The following KIF21B variants were observed in gnomAD, a reference collection of about 807,000 sequenced individuals.
The protein encoded by KIF21B is kinesin family member 21B.
KIF21B carries 85 observed loss-of-function variants against 192.9 expected under a neutral mutation model. The observed-to-expected ratio is 0.44, with a 90% CI of 0.37 to 0.53. The LOEUF (loss-of-function observed/expected upper bound fraction) is 0.53, where lower values mean the gene tolerates loss of function less well. Among genes scored for constraint, KIF21B ranks in the 20% least tolerant of loss-of-function variants. The pLI, the probability that KIF21B is intolerant of heterozygous loss-of-function variation, is 0.00. For synonymous variants in KIF21B, 832 were observed against 884.6 expected (o/e 0.94, Z 1.05); for missense variants, 1,716 against 2,194.8 (o/e 0.78, Z 4.36).
rs1656367311 is a variant in KIF21B, at chr1:200,987,226, T to A, written c.3409-25A>T. ...TCTGGGAAAAGAAGAACAGGGTGGA[T>A]CAACTTGCCCAAATTGCATGGCACA... is the stretch of plus-strand genomic sequence containing the variant. On this transcript the variant is annotated intron_variant, in intron 24 of 34. Coordinates refer to ENST00000461742, the MANE Select transcript of KIF21B (RefSeq NM_001252102.2). 1.9e-6 allele frequency: 3 copies of A among 1,591,380 alleles called. No individual in the cohort carries two copies. The East Asian group carries it at 6.7e-5, about 36-fold the overall frequency.
chr1:201,000,828 G>C lies in KIF21B; in HGVS notation c.1403-48C>G. 6.3e-7 allele frequency: 1 copy of C among 1,599,924 alleles called. No individual in the cohort carries two copies. Among genetic ancestry groups the C allele is most frequent in the Non-Finnish European group, 8.6e-7 (1 of 1,167,466 alleles). On this transcript the variant is annotated intron_variant, in intron 9 of 34. Transcript: ENST00000461742. The surrounding 1 kb of genome is among the most constrained non-coding windows in gnomAD (Gnocchi z 6.0). ...AGGGTGCGATAAAGAAGATAAATAG[G>C]CCAGCGCGGTGGCTCAGACCTATAA...
rs755399967 is a variant in KIF21B at position 200,974,920 on chromosome 1, G to A, written c.4615-7C>T. On this transcript the variant is annotated splice_region_variant and splice_polypyrimidine_tract_variant and intron_variant, in intron 33 of 34. Transcript: ENST00000461742. ...TGTGCGCATTGGGGATTTGCTGTGA[G>A]AGGATCAGGGCTGGTGAGGGCTGGG... 2 of 1,613,108 alleles carry A rather than the reference G, an allele frequency of 1.2e-6. No homozygotes were observed. Among genetic ancestry groups the A allele is most frequent in the East Asian group, 2.2e-5 (1 of 44,846 alleles).
chr1:200,990,168 C>T lies in KIF21B; in HGVS notation c.3000G>A (p.Gln1000=). The T allele has an allele frequency of 6.2e-7, 1 of 1,613,988 alleles. No homozygotes were observed. The highest frequency in any genetic ancestry group is 8.5e-7 in the Non-Finnish European group (1 of 1,179,932). Residue 1000 remains glutamine (Q), a synonymous_variant, in exon 20 of 35, where the codon CAG becomes CAA. Transcript: ENST00000461742. This position sits in a 1 kb window ranked among gnomAD's most constrained non-coding sequence, Gnocchi z 5.4. ...TCTCCTCCAGCTGCACGATGGTGGC[C>T]TGGCAGTCGGTGATGCCGTCATTGA... ...DYINDGITDC[Q]ATIVQLEETK...
Position 200,998,951 on chromosome 1 carries a change from G to A in KIF21B, c.1886-376C>T, listed in dbSNP as rs559863767. ...GCTGGCAGCAGGCAGGGCTGAAGGG[G>A]CAGGCATCTCCATTTAGAGGAGAGG... is the stretch of plus-strand genomic sequence containing the variant. On this transcript the variant is annotated intron_variant, in intron 13 of 34. Coordinates refer to ENST00000461742, the MANE Select transcript of KIF21B (RefSeq NM_001252102.2). The surrounding 1 kb of genome is among the most constrained non-coding windows in gnomAD (Gnocchi z 4.3). Among the ~76,000 whole-genome samples the A allele has an allele frequency of 3.9e-5, 6 of 152,168 alleles. No homozygotes were observed. Among genetic ancestry groups the A allele is most frequent in the Non-Finnish European group, 8.8e-5 (6 of 68,034 alleles).
At chr1:201,015,955 C>T (rs1658477022) in intron 1 of KIF21B, among the ~76,000 whole-genome samples, 1 of 152,184 alleles carries the variant, frequency 6.6e-6, no homozygotes, top group Non-Finnish European at 1.5e-5. Flanking sequence ...TTCTTCACCA[C>T]CTAGGACTTA....
rs1655290909 is a variant in KIF21B at position 200,972,813 on chromosome 1, G to C, written c.*708C>G. 1 of 152,628 alleles carries C rather than the reference G, an allele frequency of 6.6e-6. No individual in the cohort carries two copies. Among genetic ancestry groups the C allele is most frequent in the South Asian group, 2.1e-4 (1 of 4,834 alleles). 9.5% of individuals were successfully genotyped at this position (152,628 alleles called of 1,614,324 possible). A position where few individuals can be genotyped will look rare whatever the true frequency, so the allele number is the denominator to read the frequency against. On this transcript the variant is annotated 3_prime_UTR_variant, in exon 35 of 35. Transcript: ENST00000461742. Reference sequence around the variant, plus strand: ...AAGAGCTGAGGGAAAGAATATAGGGGAAGAAACTTCAAGTCCGTTTCCAGG... The same window carrying C: ...AAGAGCTGAGGGAAAGAATATAGGGCAAGAAACTTCAAGTCCGTTTCCAGG...
Position 201,000,863 on chromosome 1 carries a change from T to A in KIF21B, c.1403-83A>T. On this transcript the variant is annotated intron_variant, in intron 9 of 34. Coordinates refer to ENST00000461742, the MANE Select transcript of KIF21B (RefSeq NM_001252102.2). The surrounding 1 kb of genome is among the most constrained non-coding windows in gnomAD (Gnocchi z 6.0). ...TGGCTCAGACCTATAATTCCAGCAC[T>A]TTGGGAGGCCAAGGCGGGCGGATCA... 3 of 1,439,708 alleles carry A rather than the reference T, an allele frequency of 2.1e-6. No individual in the cohort carries two copies. Among genetic ancestry groups the A allele is most frequent in the Non-Finnish European group, 2.9e-6 (3 of 1,025,116 alleles). 89.2% of individuals were successfully genotyped at this position (1,439,708 alleles called of 1,614,324 possible).
chr1:201,003,716 A>C lies in KIF21B; in HGVS notation c.1082T>G (p.Leu361Arg). Reference protein sequence around the residue: ...DRDFMETLNTLKYANRARNIK... With the variant: ...DRDFMETLNTRKYANRARNIK... ...GTTGCGGGCCCGATTGGCATATTTGAGTGTGTTGAGGGTCTCCATGAAATC... is the reference window on the plus strand; with the variant it reads ...GTTGCGGGCCCGATTGGCATATTTGCGTGTGTTGAGGGTCTCCATGAAATC... Residue 361 changes from leucine to arginine, a missense_variant, in exon 8 of 35, where the codon CTC (leucine) becomes CGC (arginine). By Grantham distance (102) the Leu-to-Arg change is moderately radical. This residue lies in a region of KIF21B where 1,087 missense variants were observed against 1,316.6 expected (regional missense o/e 0.83). Transcript: ENST00000461742. 1 of 1,613,966 alleles carries C rather than the reference A, an allele frequency of 6.2e-7. No homozygotes were observed. The highest frequency in any genetic ancestry group is 8.5e-7 in the Non-Finnish European group (1 of 1,180,008).
rs752224528 is a variant in KIF21B, at chr1:200,990,106, C to T, written c.3030+32G>A. Reference sequence around the variant, plus strand: ...TACCCCTGCCACCCATCTCTCCCGCCTCCGCCCCAGCAGGCCCAGCCCTGC... The same window carrying T: ...TACCCCTGCCACCCATCTCTCCCGCTTCCGCCCCAGCAGGCCCAGCCCTGC... On this transcript the variant is annotated intron_variant, in intron 20 of 34. Coordinates refer to ENST00000461742, the MANE Select transcript of KIF21B (RefSeq NM_001252102.2). This position sits in a 1 kb window ranked among gnomAD's most constrained non-coding sequence, Gnocchi z 5.4. 1.9e-6 allele frequency: 3 copies of T among 1,610,680 alleles called. No individual in the cohort carries two copies. The African/African-American group carries it at 4.0e-5, about 22-fold the overall frequency.
At chr1:201,003,222 G>A in intron 8 of KIF21B, 1 of 334,800 alleles carries the variant, frequency 3.0e-6, no homozygotes, top group South Asian at 2.7e-5. Flanking sequence ...CAACGATTCT[G>A]TGCCAGTCTA....
In KIF21B at chr1:200,973,340, A is replaced by C; in HGVS notation, c.*181T>G. 1 of 639,328 alleles carries C rather than the reference A, an allele frequency of 1.6e-6. No homozygotes were observed. The highest frequency in any genetic ancestry group is 1.9e-5 in the African/African-American group (1 of 52,222). The allele number at this position is 639,328 out of a possible 1,614,324, so 39.6% of individuals were successfully genotyped here. A position where few individuals can be genotyped will look rare whatever the true frequency, so the allele number is the denominator to read the frequency against. ...TCTCACCCAGAGGCTCCTGAGAGGCAGGGGAGGGATGAGGGAACAGTGTCC... is the reference window on the plus strand; with the variant it reads ...TCTCACCCAGAGGCTCCTGAGAGGCCGGGGAGGGATGAGGGAACAGTGTCC... On this transcript the variant is annotated 3_prime_UTR_variant, in exon 35 of 35. Transcript: ENST00000461742.
intron 22 of KIF21B, 47 bp downstream of exon 22, chr1:200,988,717 GCA>G: frequency 6.4e-7 from 1 of 1,572,664 alleles, no homozygotes; most frequent in Non-Finnish European, 8.7e-7. Context: ...GAGCCCAAGA[GCA>G]CTGGAATGCC....
chr1:200,993,779 A>AG (rs59521802), intron 15 of KIF21B, among the ~76,000 whole-genome samples: 4,954 of 148,938 alleles, frequency 0.033, 206 homozygotes, highest in East Asian at 0.11. Flanking sequence ...AAAAAAAAAA[A>AG]AGAGAGAGAA....
chr1:200,995,208 C>T (rs531477194), intron 15 of KIF21B, among the ~76,000 whole-genome samples: 3 of 152,338 alleles, frequency 2.0e-5, no homozygotes, highest in Admixed American at 6.5e-5. Flanking sequence ...ATGTAGCTAC[C>T]AATGGCTGCT....
intron 24 of KIF21B, 27 bp from the exon 25 acceptor site, chr1:200,987,228 A>G (rs1035122469): frequency 6.3e-7 from 1 of 1,586,918 alleles, no homozygotes; most frequent in Non-Finnish European, 8.6e-7. Flanking sequence ...AGGGTGGATC[A>G]ACTTGCCCAA....
chr1:201,009,204 C>T, intron 2 of KIF21B, 62 bp downstream of exon 2: 1 of 1,487,142 alleles, frequency 6.7e-7, no homozygotes, highest in Non-Finnish European at 9.3e-7. Flanking sequence ...GGAGCTTTCT[C>T]TCCATTGGAT....
chr1:200,999,175 A>G lies in KIF21B; in HGVS notation c.1885+174T>C, dbSNP rs1657292535. On this transcript the variant is annotated intron_variant, in intron 13 of 34. Coordinates refer to ENST00000461742, the MANE Select transcript of KIF21B (RefSeq NM_001252102.2). The surrounding 1 kb of genome is among the most constrained non-coding windows in gnomAD (Gnocchi z 4.7). Reference sequence around the variant, plus strand: ...AAGCACAGTGCCTGGCACCTAATGAACGACCAGGAAGTGTTTGCCATCATT... The same window carrying G: ...AAGCACAGTGCCTGGCACCTAATGAGCGACCAGGAAGTGTTTGCCATCATT... Among the ~76,000 whole-genome samples, 4 of 152,092 alleles carry G rather than the reference A, an allele frequency of 2.6e-5. No individual in the cohort carries two copies. The highest frequency in any genetic ancestry group is 5.9e-5 in the Non-Finnish European group (4 of 68,008).
intron 29 of KIF21B, among the ~76,000 whole-genome samples, 166 bp downstream of exon 29, chr1:200,980,794 G>C (rs1201355814): frequency 6.6e-6 from 1 of 152,242 alleles, no homozygotes; most frequent in Non-Finnish European, 1.5e-5. Flanking sequence ...GCATGGGATG[G>C]GGGCCTTGAG....
chr1:200,980,580 T>C (rs1413672171), intron 29 of KIF21B, among the ~76,000 whole-genome samples: 1 of 152,236 alleles, frequency 6.6e-6, no homozygotes, highest in East Asian at 1.9e-4. Context: ...TTGACTTTGT[T>C]GCTGTAATCA....
Sources: allele counts gnomAD v4.1 joint callset (sites outside exome capture counted in the v4.1 genomes callset), GRCh38; gene constraint gnomAD v4.1.1; regional missense constraint gnomAD v4.1.1; non-coding constraint Gnocchi (gnomAD v3.1); transcripts MANE v1.5; gene names NCBI Gene and HGNC (gene_info 2026-07-23, HGNC 2026-07-21).